DYSF: variants seen among roughly 807,000 people sequenced by gnomAD.
DYSF encodes dystrophy-associated fer-1-like 1.
Under a neutral mutation model 274.9 loss-of-function variants are expected in DYSF, and 212 were observed. The ratio of observed to expected loss-of-function variants is 0.77; its 90% CI spans 0.69 to 0.86. The LOEUF is 0.86. Among genes scored for constraint, DYSF ranks in the 40% least tolerant of loss-of-function variants. The pLI is 0.00. For synonymous variants in DYSF, 1,091 were observed against 1,078.7 expected (o/e 1.01, Z -0.22); for missense variants, 2,666 against 2,783.2 (o/e 0.96, Z 0.95).
At chr2:71,562,328 A>C (rs1161542210) in intron 23 of DYSF, among the ~76,000 whole-genome samples, 2 of 152,006 alleles carry the variant, frequency 1.3e-5, no homozygotes, top group African/African-American at 4.8e-5. Context: ...GCCTGTCTGC[A>C]CCTGGCCAAC....
At chr2:71,643,710 A>G (rs1329538496) in intron 41 of DYSF, among the ~76,000 whole-genome samples, 1 of 152,194 alleles carries the variant, frequency 6.6e-6, no homozygotes, top group South Asian at 2.1e-4. Context: ...TGACAGAAAC[A>G]CACATGCTTG....
chr2:71,454,004 G>A (rs1425985351), exon 1 of DYSF: 2 of 1,614,172 alleles, frequency 1.2e-6, no homozygotes, highest in South Asian at 1.1e-5. Context: ...CAAGCATGCT[G>A]AGGGTCTTCA....
At chr2:71,523,845 G>A (rs1332502386) in intron 12 of DYSF, among the ~76,000 whole-genome samples, 7 of 151,966 alleles carry the variant, frequency 4.6e-5, no homozygotes, top group Admixed American at 1.3e-4. Context: ...GCGCCTGGCC[G>A]CCAGTCATCA....
chr2:71,482,278 C>G (rs1002386843), intron 3 of DYSF, among the ~76,000 whole-genome samples: 43 of 152,172 alleles, frequency 2.8e-4, no homozygotes, highest in Non-Finnish European at 5.7e-4. Flanking sequence ...GCTGCTCCAG[C>G]CCAGAGGCTC....
chr2:71,595,743 C>CAAT (rs2093387961), intron 32 of DYSF, among the ~76,000 whole-genome samples: 1 of 152,206 alleles, frequency 6.6e-6, no homozygotes, highest in Non-Finnish European at 1.5e-5. Context: ...AGCCGTGGTC[C>CAAT]TCAGAGCTGC....
chr2:71,629,329 T>A (rs1388764314), intron 41 of DYSF, among the ~76,000 whole-genome samples: 3 of 152,222 alleles, frequency 2.0e-5, no homozygotes, highest in Admixed American at 6.5e-5. Context: ...AGGTCTCCTG[T>A]CCCTTTGCAA....
intron 12 of DYSF, among the ~76,000 whole-genome samples, chr2:71,521,932 G>A (rs756836581): frequency 7.9e-5 from 12 of 152,036 alleles, no homozygotes; most frequent in Middle Eastern, 3.2e-3. Context: ...GCTGCACAGC[G>A]ATGAGTGGTG....
chr2:71,509,606 T>C (rs1490443206), intron 4 of DYSF, among the ~76,000 whole-genome samples: 1 of 152,214 alleles, frequency 6.6e-6, no homozygotes. Flanking sequence ...TCCTCTCCTA[T>C]TTATTTACTG....
chr2:71,520,732 G>A, intron 11 of DYSF, 57 bp from the exon 12 acceptor site: 1 of 1,522,218 alleles, frequency 6.6e-7, no homozygotes, highest in Non-Finnish European at 9.1e-7. Flanking sequence ...TCCCGGATGT[G>A]GCCACAGCCT....
At chr2:71,469,587 C>A (rs2081821691) in intron 1 of DYSF, among the ~76,000 whole-genome samples, 1 of 152,152 alleles carries the variant, frequency 6.6e-6, no homozygotes, top group South Asian at 2.1e-4. Context: ...GCCCCACTTT[C>A]CTTGCAGTTG....
At chr2:71,571,140 C>T (rs1360542874) in intron 29 of DYSF, among the ~76,000 whole-genome samples, 14 of 143,478 alleles carry the variant, frequency 9.8e-5, no homozygotes, top group Non-Finnish European at 1.5e-4. Flanking sequence ...TCACACCCAG[C>T]GCATGCACAG....
chr2:71,547,831 T>G (rs928505292), intron 17 of DYSF, among the ~76,000 whole-genome samples: 5 of 152,070 alleles, frequency 3.3e-5, no homozygotes, highest in Admixed American at 1.3e-4. Context: ...GAATTCAAAA[T>G]CAGTCTGGGT....
chr2:71,488,053 C>T (rs2083497905), intron 3 of DYSF, among the ~76,000 whole-genome samples: 1 of 149,962 alleles, frequency 6.7e-6, no homozygotes, highest in Non-Finnish European at 1.5e-5. Flanking sequence ...AATAATTCCA[C>T]AAAAGAAAAC....
chr2:71,502,354 A>G (rs941817080), intron 3 of DYSF, among the ~76,000 whole-genome samples: 1 of 152,098 alleles, frequency 6.6e-6, no homozygotes, highest in Non-Finnish European at 1.5e-5. Context: ...CACCAGCCTA[A>G]CATGGCCTTG....
chr2:71,654,566 T>A (rs1476280973), intron 42 of DYSF, among the ~76,000 whole-genome samples: 5 of 152,082 alleles, frequency 3.3e-5, no homozygotes, highest in Non-Finnish European at 2.9e-5. Context: ...GAGGATTGCT[T>A]GAGGCCAGGA....
At chr2:71,631,203 T>C (rs866746804) in intron 41 of DYSF, among the ~76,000 whole-genome samples, 3 of 152,202 alleles carry the variant, frequency 2.0e-5, no homozygotes, top group African/African-American at 7.2e-5. Flanking sequence ...CCAAGGCAGT[T>C]TGTCTCTGAA....
intron 3 of DYSF, among the ~76,000 whole-genome samples, chr2:71,482,209 G>T (rs1259375329): frequency 6.6e-6 from 1 of 152,160 alleles, no homozygotes. Context: ...GCTGGAATCA[G>T]GTGTCCACGC....
Position 71,535,064 on chromosome 2 carries a change from A to G in DYSF, c.1424A>G (p.Asn475Ser). 1 of 1,614,090 alleles carries G rather than the reference A, an allele frequency of 6.2e-7. No individual in the cohort carries two copies. Among genetic ancestry groups the G allele is most frequent in the East Asian group, 2.2e-5 (1 of 44,860 alleles). Residue 475 changes from asparagine (N) to serine (S), a missense_variant, in exon 15 of 56, where the codon AAC becomes AGC. Asn to Ser is a conservative substitution (Grantham distance 46). Around this residue, in one of 3 missense-constraint regions of DYSF, gnomAD observed 794 missense variants for 777.1 expected, o/e 1.02. Transcript: ENST00000410020. ...ILEKTANPQW[N>S]QNITLPAMFP... ...GAGAAGACGGCCAACCCTCAGTGGA[A>G]CCAGAACATCACACTGCCTGCCATG...
intron 30 of DYSF, among the ~76,000 whole-genome samples, chr2:71,581,423 G>A (rs1211359349): frequency 1.3e-5 from 2 of 152,238 alleles, no homozygotes; most frequent in African/African-American, 4.8e-5. Context: ...AAGGGAGTCT[G>A]TGTGTTCCTG....
Sources: gnomAD v4.1 joint callset for allele counts (sites outside exome capture counted in the v4.1 genomes callset) on GRCh38, gnomAD v4.1.1 for gene constraint, gnomAD v4.1.1 regional missense constraint, MANE v1.5 for transcripts, NCBI Gene and HGNC (gene_info 2026-07-23, HGNC 2026-07-21) for gene names.